The following ABCA5 variants were observed in gnomAD, a reference collection of about 807,000 sequenced individuals.
The protein encoded by ABCA5 is cholesterol transporter ABCA5.
ABCA5 carries 163 observed loss-of-function variants against 206.0 expected under a neutral mutation model. The ratio of observed to expected loss-of-function variants is 0.79; its 90% CI spans 0.70 to 0.90. The LOEUF is 0.90. ABCA5 is among the 40% of genes least tolerant of loss of function. ABCA5 has a pLI of 0.00. For missense variants in ABCA5, 1,859 were observed against 1,912.9 expected (o/e 0.97, Z 0.53); for synonymous variants, 609 against 613.8 (o/e 0.99, Z 0.11).
In ABCA5 at chr17:69,293,164, T is replaced by TAC. The variant is rs141471808; in HGVS notation, c.1495+1489_1495+1490dup. On this transcript the variant is annotated intron_variant, in intron 11 of 38. Coordinates refer to ENST00000392676, the MANE Select transcript of ABCA5 (RefSeq NM_172232.4). Reference sequence around the variant, plus strand: ...CAGTCAGTCTCCAGAACCAACAGAATACACACACACACACACACAATGGAG... The same window carrying TAC: ...CAGTCAGTCTCCAGAACCAACAGAATACACACACACACACACACACAATGGAG... Among the ~76,000 whole-genome samples, 336 of 149,948 alleles carry TAC rather than the reference T, an allele frequency of 2.2e-3. 1 individual carries two copies. The highest frequency in any genetic ancestry group is 6.5e-3 in the African/African-American group (267 of 40,988).
intron 18 of ABCA5, among the ~76,000 whole-genome samples, chr17:69,282,399 G>C (rs2144964060): frequency 6.6e-6 from 1 of 152,218 alleles, no homozygotes; most frequent in East Asian, 1.9e-4. Flanking sequence ...CCATCTACCT[G>C]TGAGTAACTT....
chr17:69,318,825 T>G (rs2075839586), intron 1 of ABCA5: 1 of 704,744 alleles, frequency 1.4e-6, no homozygotes, highest in African/African-American at 1.7e-5. Context: ...CAAGGAATAT[T>G]GTGGGGATTT....
intron 4 of ABCA5, 141 bp from the exon 5 acceptor site, chr17:69,308,509 TCAAAGGTAAA>T (rs1195593659): frequency 4.2e-6 from 2 of 475,630 alleles, no homozygotes; most frequent in African/African-American, 3.9e-5. Flanking sequence ...CTACTGACTT[TCAAAGGTAAA>T]CAATACTTAC....
At chr17:69,293,773 A>C (rs368649148) in intron 11 of ABCA5, among the ~76,000 whole-genome samples, 13 of 150,262 alleles carry the variant, frequency 8.7e-5, no homozygotes, top group African/African-American at 2.7e-4. Flanking sequence ...AGGGCCCACT[A>C]TCTCATGAAG....
At chr17:69,292,403 T>C (rs2075538559) in intron 11 of ABCA5, among the ~76,000 whole-genome samples, 1 of 152,224 alleles carries the variant, frequency 6.6e-6, no homozygotes, top group African/African-American at 2.4e-5. Flanking sequence ...AATTTCCAAT[T>C]ATGTGTTGGT....
chr17:69,297,853 C>T (rs1211044325), intron 9 of ABCA5, among the ~76,000 whole-genome samples: 1 of 151,938 alleles, frequency 6.6e-6, no homozygotes, highest in Non-Finnish European at 1.5e-5. Context: ...TTATGGAGAG[C>T]AACAAAACAA....
At chr17:69,299,672 G>A (rs1043168958) in intron 9 of ABCA5, among the ~76,000 whole-genome samples, 4 of 151,814 alleles carry the variant, frequency 2.6e-5, no homozygotes, top group East Asian at 1.9e-4. Flanking sequence ...ACATAAGAAC[G>A]ATACAATGGA....
rs1268300556 is a variant in ABCA5, at chr17:69,246,640, T to C, written c.*897A>G. ...GAAGAGATTCACTAAAGTTTACCAA[T>C]AAAAACAAATACCCAATAAAATATT... On this transcript the variant is annotated 3_prime_UTR_variant, in exon 39 of 39. Coordinates refer to ENST00000392676, the MANE Select transcript of ABCA5 (RefSeq NM_172232.4). 1 of 151,838 alleles carries C rather than the reference T, an allele frequency of 6.6e-6. No individual in the cohort carries two copies. Among genetic ancestry groups the C allele is most frequent in the Non-Finnish European group, 1.5e-5 (1 of 67,770 alleles). 9.4% of individuals were successfully genotyped at this position (151,838 alleles called of 1,614,324 possible). A position where few individuals can be genotyped will look rare whatever the true frequency, so the allele number is the denominator to read the frequency against.
chr17:69,298,195 A>G (rs2075603416), intron 9 of ABCA5, among the ~76,000 whole-genome samples: 1 of 140,400 alleles, frequency 7.1e-6, no homozygotes, highest in Non-Finnish European at 1.5e-5. Context: ...CAAAAAAGAC[A>G]CAGCAAAACC....
chr17:69,261,254 C>A lies in ABCA5; in HGVS notation c.3435G>T (p.Ala1145=). Residue 1145 remains alanine, a synonymous_variant, in exon 26 of 39, where the codon GCG becomes GCT. Transcript: ENST00000392676. ...EFWSFIYSVA[A]LACIAITEIT... Reference sequence around the variant, plus strand: ...TTTCAGTGATTGCAATACAAGCCAACGCTGCCTAAAGAAAAAAATAAATAA... The same window carrying A: ...TTTCAGTGATTGCAATACAAGCCAAAGCTGCCTAAAGAAAAAAATAAATAA... 1 of 1,587,308 alleles carries A rather than the reference C, an allele frequency of 6.3e-7. No homozygotes were observed. The highest frequency in any genetic ancestry group is 8.5e-7 in the Non-Finnish European group (1 of 1,169,764).
At chr17:69,311,117 C>T (rs1260947819) in intron 3 of ABCA5, among the ~76,000 whole-genome samples, 1 of 151,968 alleles carries the variant, frequency 6.6e-6, no homozygotes, top group Non-Finnish European at 1.5e-5. Context: ...TCACTTGAGC[C>T]CAGGAGGCAG....
At chr17:69,301,085 T>A (rs546903475) in intron 9 of ABCA5, 54 bp downstream of exon 9, 9 of 1,458,942 alleles carry the variant, frequency 6.2e-6, no homozygotes, top group Non-Finnish European at 8.2e-6. Context: ...TGACCCTATG[T>A]GGGCAAAAAA....
rs769518700 is a variant in ABCA5, at chr17:69,314,362, T to C, written c.54A>G (p.Leu18=). The part of the protein sequence containing the change: ...VGVWRQTRTL[L]LKNYLIKCRT... ...TGCATTTAATTAAGTAATTCTTCAG[T>C]AGAAGTGTTCTGGTCTGTCTCCAAA... is the stretch of plus-strand genomic sequence containing the variant. Residue 18 remains leucine, a synonymous_variant, in exon 2 of 39, where the codon CTA becomes CTG. Transcript: ENST00000392676. 2.5e-6 allele frequency: 4 copies of C among 1,613,936 alleles called. No homozygotes were observed. The highest frequency in any genetic ancestry group is 4.5e-5 in the East Asian group (2 of 44,868).
intron 17 of ABCA5, among the ~76,000 whole-genome samples, 168 bp from the exon 18 acceptor site, chr17:69,284,240 T>C (rs1042567897): frequency 2.0e-5 from 3 of 152,178 alleles, no homozygotes; most frequent in African/African-American, 7.2e-5. Flanking sequence ...TGCAAGCCTG[T>C]AGTCTTAGCT....
intron 8 of ABCA5, 106 bp from the exon 9 acceptor site, chr17:69,301,392 T>C: frequency 1.2e-6 from 1 of 812,426 alleles, no homozygotes; most frequent in Non-Finnish European, 1.8e-6. Flanking sequence ...AGTAACCAAC[T>C]GGGCCTTTTA....
intron 2 of ABCA5, 57 bp from the exon 3 acceptor site, chr17:69,313,353 A>G: frequency 2.4e-6 from 2 of 819,582 alleles, no homozygotes; most frequent in Non-Finnish European, 3.6e-6. Context: ...AAAAATCATC[A>G]AGATTTCTTG....
At chr17:69,273,508 T>A (rs1051506608) in intron 20 of ABCA5, among the ~76,000 whole-genome samples, 2 of 142,350 alleles carry the variant, frequency 1.4e-5, no homozygotes, top group African/African-American at 5.2e-5. Context: ...CAGACTGGAA[T>A]GCAGTGGTGC....
intron 7 of ABCA5, among the ~76,000 whole-genome samples, chr17:69,303,781 AAAAAAT>A (rs1461088525): frequency 1.4e-4 from 1 of 7,142 alleles, no homozygotes; most frequent in African/African-American, 1.7e-4. Context: ...AAAAAAAAAA[AAAAAAT>A]ATATATATAT....
intron 18 of ABCA5, among the ~76,000 whole-genome samples, chr17:69,281,519 A>AG (rs1231623381): frequency 6.6e-6 from 1 of 152,214 alleles, no homozygotes; most frequent in Non-Finnish European, 1.5e-5. Flanking sequence ...CAAAAGAAGG[A>AG]GAAACTACAA....
Sources: allele counts gnomAD v4.1 joint callset (sites outside exome capture counted in the v4.1 genomes callset), GRCh38; gene constraint gnomAD v4.1.1; transcripts MANE v1.5; gene names NCBI Gene and HGNC (gene_info 2026-07-23, HGNC 2026-07-21).